NRG3: variants seen among roughly 807,000 people sequenced by gnomAD.
NRG3 encodes the protein neuregulin 3.
Under a neutral mutation model 66.9 loss-of-function variants are expected in NRG3, and 31 were observed. The ratio of observed to expected loss-of-function variants is 0.46; its 90% CI spans 0.35 to 0.63. NRG3 has a LOEUF of 0.63. Among genes scored for constraint, NRG3 ranks in the 20% least tolerant of loss-of-function variants. The probability of loss-of-function intolerance (pLI) is 0.00; values close to 1 mark genes in which losing one functional copy is unlikely to be tolerated. For missense variants in NRG3, 910 were observed against 878.9 expected, an observed-to-expected ratio of 1.04 and a Z score of -0.45; for synonymous variants, 393 against 359.4, an observed-to-expected ratio of 1.09 and a Z score of -1.06.
chr10:82,011,279 A>G (rs2061563536), intron 1 of NRG3, among the ~76,000 whole-genome samples: 1 of 152,176 alleles, frequency 6.6e-6, no homozygotes, highest in African/African-American at 2.4e-5. Flanking sequence ...TAGAAGCATC[A>G]CATCTCATGA....
At chr10:82,178,542 G>T (rs1273884172) in intron 1 of NRG3, among the ~76,000 whole-genome samples, 1 of 152,038 alleles carries the variant, frequency 6.6e-6, no homozygotes, top group Non-Finnish European at 1.5e-5. Context: ...CCATGTTGTA[G>T]CATTTGACAG....
Position 82,131,208 on chromosome 10 carries a change from T to A in NRG3, c.824-227531T>A, listed in dbSNP as rs2068793629. On this transcript the variant is annotated intron_variant, in intron 1 of 8. Coordinates refer to ENST00000372141, the MANE Select transcript of NRG3 (RefSeq NM_001010848.4). Reference sequence around the variant, plus strand: ...ATTTAAGTATTTAATCCATTTTGATTTGATTTCTGTATATGGCAAGAGATA... The same window carrying A: ...ATTTAAGTATTTAATCCATTTTGATATGATTTCTGTATATGGCAAGAGATA... Among the ~76,000 whole-genome samples the A allele has an allele frequency of 2.6e-5, 4 of 152,166 alleles. No individual in the cohort carries two copies. In the South Asian group the frequency reaches 8.3e-4, roughly 31 times the overall value.
At chr10:82,730,237 A>G (rs1488062703) in intron 2 of NRG3, among the ~76,000 whole-genome samples, 1 of 151,742 alleles carries the variant, frequency 6.6e-6, no homozygotes, top group Non-Finnish European at 1.5e-5. Context: ...GGTGCCCACC[A>G]CCGTGCCTGG....
chr10:82,002,861 T>TA (rs892569111), intron 1 of NRG3, among the ~76,000 whole-genome samples: 2 of 152,018 alleles, frequency 1.3e-5, no homozygotes, highest in African/African-American at 4.8e-5. Context: ...TTCATTCTTT[T>TA]AAAAAAAATT....
intron 2 of NRG3, among the ~76,000 whole-genome samples, chr10:82,556,910 C>A (rs1051779566): frequency 6.6e-6 from 1 of 152,112 alleles, no homozygotes; most frequent in African/African-American, 2.4e-5. Flanking sequence ...TCTGTTCCTG[C>A]ATTAGTTTAC....
intron 3 of NRG3, among the ~76,000 whole-genome samples, chr10:82,758,992 C>A (rs1193568900): frequency 2.0e-5 from 3 of 152,064 alleles, no homozygotes; most frequent in East Asian, 1.9e-4. Flanking sequence ...TATGGTTTGT[C>A]CCTGCCAAAA....
At chr10:82,533,160 G>T (rs981945197) in intron 2 of NRG3, among the ~76,000 whole-genome samples, 1 of 149,352 alleles carries the variant, frequency 6.7e-6, no homozygotes, top group African/African-American at 2.5e-5. Flanking sequence ...TTGTTTGTTT[G>T]TTTTCTATTG....
chr10:82,753,932 T>A (rs2058975337), intron 3 of NRG3, among the ~76,000 whole-genome samples: 1 of 146,544 alleles, frequency 6.8e-6, no homozygotes, highest in Non-Finnish European at 1.5e-5. Context: ...GGCAAAAGAG[T>A]GAGACTCCAT....
chr10:82,166,902 C>T (rs1399932319), intron 1 of NRG3: 3 of 549,346 alleles, frequency 5.5e-6, no homozygotes, highest in African/African-American at 1.9e-5. Context: ...TTTATTCCCT[C>T]CTTGGTATTT....
chr10:82,873,092 C>T (rs1841490410), intron 4 of NRG3, among the ~76,000 whole-genome samples: 2 of 152,230 alleles, frequency 1.3e-5, no homozygotes, highest in Admixed American at 1.3e-4. Context: ...CAACATTCAA[C>T]ATGATTTTTC....
chr10:82,949,013 C>A (rs759761102), intron 4 of NRG3, among the ~76,000 whole-genome samples: 5 of 152,110 alleles, frequency 3.3e-5, no homozygotes, highest in Admixed American at 1.3e-4. Flanking sequence ...CATTCTTTCA[C>A]AGCTAGATAT....
chr10:82,950,915 G>A (rs1405416291), intron 4 of NRG3, among the ~76,000 whole-genome samples: 3 of 152,198 alleles, frequency 2.0e-5, no homozygotes, highest in Admixed American at 6.5e-5. Flanking sequence ...CAAATCATTG[G>A]TATTGAGAAG....
At chr10:82,027,361 G>A (rs933743337) in intron 1 of NRG3, among the ~76,000 whole-genome samples, 16 of 152,014 alleles carry the variant, frequency 1.1e-4, no homozygotes, top group Non-Finnish European at 8.8e-5. Context: ...CTTGAAAACT[G>A]TAGGGGGAAC....
At chr10:82,113,401 C>T (rs71483400) in intron 1 of NRG3, among the ~76,000 whole-genome samples, 12,939 of 152,176 alleles carry the variant, frequency 0.085, 624 homozygotes, top group Middle Eastern at 0.11. Context: ...GGAGACCATG[C>T]CAAACATGAA....
At chr10:82,145,487 G>A (rs1446881454) in intron 1 of NRG3, among the ~76,000 whole-genome samples, 1 of 152,150 alleles carries the variant, frequency 6.6e-6, no homozygotes, top group African/African-American at 2.4e-5. Flanking sequence ...AATGTATAAT[G>A]TACCTGACAA....
chr10:82,035,804 G>A (rs2062768401), intron 1 of NRG3, among the ~76,000 whole-genome samples: 1 of 152,022 alleles, frequency 6.6e-6, no homozygotes, highest in Non-Finnish European at 1.5e-5. Flanking sequence ...AAGTTGCATA[G>A]TACAAAACAA....
At chr10:82,116,171 T>C (rs549325387) in intron 1 of NRG3, among the ~76,000 whole-genome samples, 1 of 152,152 alleles carries the variant, frequency 6.6e-6, no homozygotes, top group African/African-American at 2.4e-5. Flanking sequence ...CCAAAAAAAA[T>C]TTTTTTAGTA....
At chr10:82,181,608 G>T (rs957038625) in intron 1 of NRG3, among the ~76,000 whole-genome samples, 1 of 151,696 alleles carries the variant, frequency 6.6e-6, no homozygotes, top group Non-Finnish European at 1.5e-5. Flanking sequence ...TCATTCCACT[G>T]TAGTTAGAAA....
chr10:82,677,523 T>C (rs755036432), intron 2 of NRG3, among the ~76,000 whole-genome samples: 6 of 152,216 alleles, frequency 3.9e-5, no homozygotes, highest in Non-Finnish European at 8.8e-5. Flanking sequence ...CTCATCTTTC[T>C]CTGGCTTTTC....
Sources: gnomAD v4.1 joint callset for allele counts (sites outside exome capture counted in the v4.1 genomes callset) on GRCh38, gnomAD v4.1.1 for gene constraint, MANE v1.5 for transcripts, NCBI Gene and HGNC (gene_info 2026-07-23, HGNC 2026-07-21) for gene names.